PALM2AKAP2: variants seen among roughly 807,000 people sequenced by gnomAD.
The protein encoded by PALM2AKAP2 is PALM2 and AKAP2 fusion.
PALM2AKAP2 carries 37 observed loss-of-function variants against 71.5 expected under a neutral mutation model. The ratio of observed to expected loss-of-function variants is 0.52; its 90% CI spans 0.40 to 0.68. The LOEUF is 0.68. Among genes scored for constraint, PALM2AKAP2 ranks in the 30% least tolerant of loss-of-function variants. The probability of loss-of-function intolerance (pLI) is 0.00; values close to 1 mark genes in which losing one functional copy is unlikely to be tolerated. For missense variants in PALM2AKAP2, 1,224 were observed against 1,191.8 expected (o/e 1.03, Z -0.40); for synonymous variants, 468 against 478.8 (o/e 0.98, Z 0.29).
At chr9:110,161,525 C>T (rs1345061506) in intron 3 of PALM2AKAP2, among the ~76,000 whole-genome samples, 2 of 152,204 alleles carry the variant, frequency 1.3e-5, no homozygotes, top group Non-Finnish European at 2.9e-5. Flanking sequence ...GATGATCCCA[C>T]TCTCAGGAAC....
At chr9:109,775,987 T>C (rs1041801143), upstream of PALM2AKAP2, among the ~76,000 whole-genome samples, 1 of 152,240 alleles carries the variant, frequency 6.6e-6, no homozygotes, top group African/African-American at 2.4e-5. Context: ...TGCAACACAA[T>C]TTAATGTCCC....
intron 2 of PALM2AKAP2, among the ~76,000 whole-genome samples, chr9:109,869,087 A>G (rs1396715806): frequency 6.6e-6 from 1 of 152,210 alleles, no homozygotes; most frequent in South Asian, 2.1e-4. Flanking sequence ...AAGAGGACCG[A>G]ATGAAAAAAG....
intron 6 of PALM2AKAP2, among the ~76,000 whole-genome samples, chr9:109,954,518 G>A (rs1831707945): frequency 7.6e-6 from 1 of 131,368 alleles, no homozygotes; most frequent in Non-Finnish European, 1.6e-5. Context: ...TGGGGTGGGG[G>A]GAGGGGGGAG....
intron 1 of PALM2AKAP2, among the ~76,000 whole-genome samples, chr9:109,745,636 T>C (rs1052727635): frequency 6.6e-6 from 1 of 152,138 alleles, no homozygotes; most frequent in Non-Finnish European, 1.5e-5. Flanking sequence ...ATAATAAAAA[T>C]AGGCAGAAGT....
intron 1 of PALM2AKAP2, among the ~76,000 whole-genome samples, chr9:109,746,017 G>A (rs796160052): frequency 3.7e-4 from 56 of 152,338 alleles, no homozygotes; most frequent in African/African-American, 1.3e-3. Flanking sequence ...GGTTTGCCGT[G>A]AAGTGTGCTG....
At chr9:109,762,430 A>G (rs1829070279) in intron 1 of PALM2AKAP2, among the ~76,000 whole-genome samples, 1 of 152,184 alleles carries the variant, frequency 6.6e-6, no homozygotes, top group Non-Finnish European at 1.5e-5. Context: ...TCCATCCTAG[A>G]GTATAAGAAA....
intron 3 of PALM2AKAP2, among the ~76,000 whole-genome samples, chr9:109,905,440 A>T (rs998503615): frequency 1.3e-5 from 2 of 152,280 alleles, no homozygotes; most frequent in South Asian, 2.1e-4. Flanking sequence ...TTTGTAAGGC[A>T]AAATGTCTCT....
chr9:109,772,934 C>T (rs533297737), intron 1 of PALM2AKAP2, among the ~76,000 whole-genome samples: 14 of 152,070 alleles, frequency 9.2e-5, no homozygotes, highest in Non-Finnish European at 1.9e-4. Context: ...CTGGCTAACA[C>T]GGTGAAACCC....
At chr9:109,852,803 CAT>C (rs1371865544) in intron 1 of PALM2AKAP2, among the ~76,000 whole-genome samples, 5 of 151,676 alleles carry the variant, frequency 3.3e-5, no homozygotes, top group African/African-American at 4.8e-5. Flanking sequence ...AGCATTTTTT[CAT>C]ATGTTTGTTG....
At chr9:109,917,484 C>CTTTTT (rs59106508) in intron 3 of PALM2AKAP2, among the ~76,000 whole-genome samples, 17 of 111,426 alleles carry the variant, frequency 1.5e-4, no homozygotes, top group African/African-American at 2.1e-4. Context: ...CGCTCCTTTC[C>CTTTTT]TTTTTTTTTT....
exon 4 of PALM2AKAP2, chr9:110,168,472 A>C: frequency 6.2e-7 from 1 of 1,614,210 alleles, no homozygotes; most frequent in Admixed American, 1.7e-5. Flanking sequence ...ATCTATGCCA[A>C]CCAGGAGGAA....
chr9:109,716,095 A>G (rs1216314771), intron 1 of PALM2AKAP2, among the ~76,000 whole-genome samples: 1 of 152,218 alleles, frequency 6.6e-6, no homozygotes, highest in Non-Finnish European at 1.5e-5. Context: ...AAATGAGCCA[A>G]AACTGTTCCA....
At chr9:109,722,394 G>C (rs575610254) in intron 1 of PALM2AKAP2, among the ~76,000 whole-genome samples, 1 of 152,156 alleles carries the variant, frequency 6.6e-6, no homozygotes, top group Non-Finnish European at 1.5e-5. Flanking sequence ...GGTAACTGAG[G>C]AATAGGAGTG....
chr9:109,973,140 C>A (rs1467413176), intron 6 of PALM2AKAP2, among the ~76,000 whole-genome samples: 2 of 152,180 alleles, frequency 1.3e-5, no homozygotes, highest in African/African-American at 4.8e-5. Context: ...TTTTATGCCA[C>A]AAAGTGCCAC....
intron 1 of PALM2AKAP2, among the ~76,000 whole-genome samples, chr9:109,691,271 T>C (rs1827880892): frequency 6.6e-6 from 1 of 151,330 alleles, no homozygotes; most frequent in African/African-American, 2.4e-5. Context: ...TGGGATGGAG[T>C]GAGAATCAGT....
intron 6 of PALM2AKAP2, among the ~76,000 whole-genome samples, chr9:109,958,148 A>G (rs1050625167): frequency 6.6e-6 from 1 of 152,062 alleles, no homozygotes; most frequent in Admixed American, 6.6e-5. Flanking sequence ...GTTGATTGAA[A>G]AAAAAAAACA....
intron 6 of PALM2AKAP2, among the ~76,000 whole-genome samples, chr9:109,958,991 A>G (rs1831800385): frequency 6.6e-6 from 1 of 152,146 alleles, no homozygotes. Flanking sequence ...TATGAACAGA[A>G]TCGTCTTTGC....
At chr9:109,887,174 G>A (rs917973141) in intron 3 of PALM2AKAP2, among the ~76,000 whole-genome samples, 2 of 152,246 alleles carry the variant, frequency 1.3e-5, no homozygotes, top group Non-Finnish European at 2.9e-5. Context: ...GCATCTGTAT[G>A]TTATGTTGTG....
intron 1 of PALM2AKAP2, among the ~76,000 whole-genome samples, chr9:109,738,114 T>C (rs768639556): frequency 6.6e-6 from 1 of 152,248 alleles, no homozygotes; most frequent in Non-Finnish European, 1.5e-5. Flanking sequence ...CAACTATATA[T>C]AATCTATTGC....
Sources: allele counts gnomAD v4.1 joint callset (sites outside exome capture counted in the v4.1 genomes callset), GRCh38; gene constraint gnomAD v4.1.1; transcripts MANE v1.5; gene names NCBI Gene and HGNC (gene_info 2026-07-23, HGNC 2026-07-21).